The following FLT3 variants were observed in gnomAD, a reference collection of about 807,000 sequenced individuals.
FLT3 encodes the protein fms related receptor tyrosine kinase 3.
Under a neutral mutation model 126.6 loss-of-function variants are expected in FLT3, and 46 were observed. That is an observed-to-expected ratio of 0.36 (90% CI 0.29 to 0.46). FLT3 has a LOEUF of 0.46. Ranked by LOEUF, FLT3 falls within the 20% of genes least tolerant of loss-of-function variation. The pLI is 1.00. For synonymous variants in FLT3, 404 were observed against 434.4 expected (o/e 0.93, Z 0.87); for missense variants, 1,069 against 1,190.3 (o/e 0.90, Z 1.50).
chr13:28,040,950 C>G (rs1373099812), intron 9 of FLT3, among the ~76,000 whole-genome samples: 1 of 132,796 alleles, frequency 7.5e-6, no homozygotes, highest in African/African-American at 2.9e-5. Context: ...GGCAGCAGAG[C>G]AAGACCCGGA....
chr13:28,091,513 G>A lies in FLT3; in HGVS notation c.43+8955C>T, dbSNP rs572302068. Among the ~76,000 whole-genome samples the A allele has an allele frequency of 2.5e-3, 373 of 151,968 alleles. 1 individual carries two copies. The highest frequency in any genetic ancestry group is 8.6e-3 in the African/African-American group (355 of 41,456). On this transcript the variant is annotated intron_variant, in intron 1 of 23. Transcript: ENST00000241453. ...TGGGATTACAGGCGTGAGCCACCGCGCCCGGCCCCCCATTTTCTTCCTGTG... is the reference window on the plus strand; with the variant it reads ...TGGGATTACAGGCGTGAGCCACCGCACCCGGCCCCCCATTTTCTTCCTGTG...
chr13:28,010,316 T>C (rs940234500), intron 23 of FLT3, among the ~76,000 whole-genome samples: 3 of 152,190 alleles, frequency 2.0e-5, no homozygotes, highest in Non-Finnish European at 4.4e-5. Flanking sequence ...CCCTTGCTAA[T>C]GAAGTCTAGT....
intron 2 of FLT3, among the ~76,000 whole-genome samples, chr13:28,064,275 A>G (rs767703593): frequency 2.0e-5 from 3 of 152,228 alleles, no homozygotes; most frequent in Non-Finnish European, 4.4e-5. Context: ...AAGAAAAAAG[A>G]TATAAAGAAT....
At chr13:28,094,371 A>G (rs1879312888) in intron 1 of FLT3, among the ~76,000 whole-genome samples, 1 of 152,202 alleles carries the variant, frequency 6.6e-6, no homozygotes, top group Non-Finnish European at 1.5e-5. Flanking sequence ...TGACCTTATA[A>G]TGACAGCAGT....
intron 1 of FLT3, among the ~76,000 whole-genome samples, chr13:28,086,754 C>T (rs189766063): frequency 4.3e-4 from 66 of 151,860 alleles, no homozygotes; most frequent in Non-Finnish European, 8.7e-4. Context: ...TCAAGCAATA[C>T]TTCTGCCTCA....
At position 28,034,917 on chromosome 13, in the gene FLT3, C is replaced by T. The variant is rs540470827; in HGVS notation, c.1598-510G>A. ...CCAAGATCACGCCACTGCACTGCAG[C>T]CTGGGTGACAGAGCGAGTCTCCATC... On this transcript the variant is annotated intron_variant, in intron 12 of 23. Transcript: ENST00000241453. 2.3e-4 allele frequency among the ~76,000 whole-genome samples: 34 copies of T among 147,198 alleles called. No homozygotes were observed. The South Asian group carries it at 3.3e-3, about 14-fold the overall frequency.
intron 20 of FLT3, among the ~76,000 whole-genome samples, chr13:28,017,294 C>G (rs1029808709): frequency 1.3e-5 from 2 of 152,050 alleles, no homozygotes; most frequent in Admixed American, 1.3e-4. Context: ...GTGATCACAG[C>G]TCACTGCAGC....
At chr13:28,071,306 G>A (rs911675251) in intron 1 of FLT3, among the ~76,000 whole-genome samples, 3 of 151,610 alleles carry the variant, frequency 2.0e-5, no homozygotes, top group South Asian at 4.2e-4. Context: ...CACTGTGCCC[G>A]GCCTGGTATA....
intron 15 of FLT3, among the ~76,000 whole-genome samples, chr13:28,031,944 T>G (rs551128500): frequency 6.6e-6 from 1 of 152,180 alleles, no homozygotes; most frequent in East Asian, 1.9e-4. Context: ...GGAACCTGCT[T>G]TGGAAGCTTT....
chr13:28,087,504 T>C (rs1476681792), intron 1 of FLT3, among the ~76,000 whole-genome samples: 1 of 152,212 alleles, frequency 6.6e-6, no homozygotes, highest in Non-Finnish European at 1.5e-5. Flanking sequence ...CCTTTTGTAG[T>C]TGTCATAAGT....
intron 1 of FLT3, among the ~76,000 whole-genome samples, chr13:28,091,373 C>T (rs1167132485): frequency 2.0e-5 from 3 of 149,530 alleles, no homozygotes; most frequent in Non-Finnish European, 4.5e-5. Flanking sequence ...AGGCGCCCGC[C>T]ACCACGCCCG....
chr13:28,015,053 T>C (rs1871716638), intron 22 of FLT3, 104 bp downstream of exon 22: 10 of 689,490 alleles, frequency 1.5e-5, no homozygotes, highest in Non-Finnish European at 2.6e-5. Context: ...AAGAATCCTA[T>C]ACGCTTTGCA....
chr13:28,096,309 G>A (rs570706874), intron 1 of FLT3, among the ~76,000 whole-genome samples: 1 of 152,144 alleles, frequency 6.6e-6, no homozygotes, highest in African/African-American at 2.4e-5. Context: ...AGCCGAGACT[G>A]TACCACTGCA....
rs1251001571 is a variant in FLT3 at position 28,040,460 on chromosome 13, G to A, written c.1206-3172C>T. Among the ~76,000 whole-genome samples the A allele has an allele frequency of 2.0e-5, 3 of 152,126 alleles. No homozygotes were observed. The East Asian group carries it at 5.8e-4, about 29-fold the overall frequency. On this transcript the variant is annotated intron_variant, in intron 9 of 23. Transcript: ENST00000241453. Reference sequence around the variant, plus strand: ...AACACACCTGTAATCCCAACACTTTGGGAGGCTGAGATGGGTGGACTGCTT... The same window carrying A: ...AACACACCTGTAATCCCAACACTTTAGGAGGCTGAGATGGGTGGACTGCTT...
In FLT3 at chr13:28,015,358, C is replaced by G. The variant is rs9579142; in HGVS notation, c.2654-102G>C. ...ATTGAGATCTGCCATGTGCCAGACA[C>G]TGTTGCAGGCACACGGGCTGCGGCT... On this transcript the variant is annotated intron_variant, in intron 21 of 23. Coordinates refer to ENST00000241453, the MANE Select transcript of FLT3 (RefSeq NM_004119.3). 0.36 allele frequency: 311,285 copies of G among 857,866 alleles called. 61,629 individuals are homozygous for G. The highest frequency in any genetic ancestry group is 0.43 in the Non-Finnish European group (221,603 of 516,292). 53.1% of individuals were successfully genotyped at this position (857,866 alleles called of 1,614,324 possible).
intron 2 of FLT3, among the ~76,000 whole-genome samples, chr13:28,064,370 C>A (rs1056685300): frequency 6.6e-6 from 1 of 151,856 alleles, no homozygotes; most frequent in Non-Finnish European, 1.5e-5. Flanking sequence ...GTCAGGAGTT[C>A]GAGACCAGCC....
chr13:28,091,468 G>T (rs111437045), intron 1 of FLT3, among the ~76,000 whole-genome samples: 13 of 151,158 alleles, frequency 8.6e-5, no homozygotes, highest in African/African-American at 2.7e-4. Flanking sequence ...TGATCCGCCC[G>T]CCTCGGCCTC....
intron 19 of FLT3, among the ~76,000 whole-genome samples, chr13:28,022,918 A>G (rs1872524253): frequency 6.6e-6 from 1 of 152,224 alleles, no homozygotes; most frequent in African/African-American, 2.4e-5. Flanking sequence ...AGCCCACAGC[A>G]CGCAGGGTGA....
At chr13:28,022,016 C>T (rs1055350605) in intron 19 of FLT3, among the ~76,000 whole-genome samples, 8 of 152,016 alleles carry the variant, frequency 5.3e-5, no homozygotes, top group Admixed American at 6.6e-5. Context: ...GGATTACAGG[C>T]GTGAGCTACC....
Sources: allele counts gnomAD v4.1 joint callset (sites outside exome capture counted in the v4.1 genomes callset), GRCh38; gene constraint gnomAD v4.1.1; transcripts MANE v1.5; gene names NCBI Gene and HGNC (gene_info 2026-07-23, HGNC 2026-07-21).